Variants in BCL7A observed in about 807,000 individuals in gnomAD.
BCL7A encodes the protein B-cell CLL/lymphoma 7 protein family member A.
A neutral mutation model predicts 28.4 loss-of-function variants in BCL7A; 11 were observed. That is an observed-to-expected ratio of 0.39 (90% CI 0.24 to 0.64). The LOEUF is 0.64. Among genes scored for constraint, BCL7A ranks in the 30% least tolerant of loss-of-function variants. BCL7A has a pLI of 0.50. For missense variants in BCL7A, 222 were observed against 274.8 expected (o/e 0.81, Z 1.36); for synonymous variants, 123 against 103.3 (o/e 1.19, Z -1.15).
In BCL7A at chr12:122,043,956, C is replaced by G; in HGVS notation, c.342C>G (p.Ser114Arg). The G allele has an allele frequency of 1.2e-6, 2 of 1,613,964 alleles. No individual in the cohort carries two copies. Among genetic ancestry groups the G allele is most frequent in the Non-Finnish European group, 1.7e-6 (2 of 1,180,008 alleles). ...AACAGGAGAACAGCAGCAACTCCAG[C>G]CCCGCTCCAGAGCCCAACTCGGCTG... ...PIKQENSSNS[S>R]PAPEPNSAVP... The change falls in exon 4 of 6, where the codon AGC becomes AGG. Residue 114 changes from serine (S) to arginine (R), a missense_variant. By Grantham distance (110) the Ser-to-Arg change is moderately radical (BLOSUM62 -1). This residue lies in a region of BCL7A where 155 missense variants were observed against 145.7 expected (regional missense o/e 1.06). Transcript: ENST00000261822.
At position 122,030,780 on chromosome 12, in the gene BCL7A, A is replaced by T; in HGVS notation, c.173A>T (p.Asp58Val). Residue 58 changes from aspartate to valine, a missense_variant and splice_region_variant, in exon 2 of 6, where the codon GAC becomes GTC. Asp to Val is a radical substitution (Grantham distance 152). Around this residue, in one of 2 missense-constraint regions of BCL7A, gnomAD observed 67 missense variants for 129.1 expected, o/e 0.52. Transcript: ENST00000261822. ...WVPVTEPKVD[D>V]KNKNKKKGKD... is the part of the protein sequence containing the mutation. ...CCTGTGACGGAGCCCAAGGTTGATG[A>T]CGTGAGTATGGAGGGCTGGTCCCCT... 1 of 1,613,766 alleles carries T rather than the reference A, an allele frequency of 6.2e-7. No homozygotes were observed. Among genetic ancestry groups the T allele is most frequent in the Non-Finnish European group, 8.5e-7 (1 of 1,179,702 alleles).
intron 1 of BCL7A, among the ~76,000 whole-genome samples, chr12:122,023,238 A>G (rs2135834265): frequency 1.3e-5 from 2 of 152,180 alleles, no homozygotes; most frequent in Middle Eastern, 3.4e-3. Flanking sequence ...CCTGATTTCA[A>G]CTTTATTATT....
intron 4 of BCL7A, among the ~76,000 whole-genome samples, chr12:122,051,030 C>T (rs754958687): frequency 6.6e-6 from 1 of 152,194 alleles, no homozygotes; most frequent in Non-Finnish European, 1.5e-5. Flanking sequence ...TTCTTTCTGG[C>T]CGTGGCCTTG....
rs1210905972 is a variant in BCL7A, at chr12:122,059,742, A to C, written c.*579A>C. Reference sequence around the variant, plus strand: ...CATCGGAGCAGGCAGGGTGGAGCGAAGGAGCTCCTTAGCCCACCTGGTTTG... The same window carrying C: ...CATCGGAGCAGGCAGGGTGGAGCGACGGAGCTCCTTAGCCCACCTGGTTTG... On this transcript the variant is annotated 3_prime_UTR_variant, in exon 6 of 6. Coordinates refer to ENST00000261822, the MANE Select transcript of BCL7A (RefSeq NM_001024808.3). The surrounding 1 kb of genome is among the most constrained non-coding windows in gnomAD (Gnocchi z 4.0). 8.6e-6 allele frequency: 2 copies of C among 231,874 alleles called. No individual in the cohort carries two copies. The highest frequency in any genetic ancestry group is 1.7e-5 in the Non-Finnish European group (2 of 117,366). The allele number at this position is 231,874 out of a possible 1,614,324, so 14.4% of individuals were successfully genotyped here. A position where few individuals can be genotyped will look rare whatever the true frequency, so the allele number is the denominator to read the frequency against.
At chr12:122,057,837 C>T (rs548292037) in intron 5 of BCL7A, among the ~76,000 whole-genome samples, 2 of 152,282 alleles carry the variant, frequency 1.3e-5, no homozygotes, top group South Asian at 2.1e-4. Context: ...GTGCCCAGCC[C>T]TGCAGGAGCA....
At chr12:122,026,466 C>T (rs1424770022) in intron 1 of BCL7A, among the ~76,000 whole-genome samples, 1 of 152,110 alleles carries the variant, frequency 6.6e-6, no homozygotes, top group Non-Finnish European at 1.5e-5. Flanking sequence ...AAAAAGTAGG[C>T]TTAGGCCCAG....
Position 122,029,521 on chromosome 12 carries a change from A to C in BCL7A, c.93-1179A>C, listed in dbSNP as rs1019292001. On this transcript the variant is annotated intron_variant, in intron 1 of 5. Coordinates refer to ENST00000261822, the MANE Select transcript of BCL7A (RefSeq NM_001024808.3). The surrounding 1 kb of genome is among the most constrained non-coding windows in gnomAD (Gnocchi z 4.3). ...GGTGCTCGTGCCACACAGAATTCTC[A>C]GTTCTGGGAATTTTTGTCACCAAAA... 6.6e-6 allele frequency among the ~76,000 whole-genome samples: 1 copy of C among 152,140 alleles called. No homozygotes were observed. Among genetic ancestry groups the C allele is most frequent in the African/African-American group, 2.4e-5 (1 of 41,424 alleles).
At chr12:122,022,782 G>C (rs538828703) in intron 1 of BCL7A, among the ~76,000 whole-genome samples, 2 of 151,592 alleles carry the variant, frequency 1.3e-5, no homozygotes, top group Admixed American at 6.6e-5. Flanking sequence ...TTTAAATTTA[G>C]CGCTTTGGGC....
intron 4 of BCL7A, among the ~76,000 whole-genome samples, chr12:122,044,539 T>C (rs1884032313): frequency 1.3e-5 from 2 of 151,336 alleles, no homozygotes; most frequent in African/African-American, 2.4e-5. Context: ...AATCAAACAA[T>C]TGGCCAGGCA....
chr12:122,049,067 CACAA>C (rs1565941564), intron 4 of BCL7A, among the ~76,000 whole-genome samples: 10 of 111,226 alleles, frequency 9.0e-5, no homozygotes, highest in Admixed American at 3.5e-4. Flanking sequence ...TATACACACA[CACAA>C]AAAAAAATAC....
Position 122,022,066 on chromosome 12 carries a change from C to A in BCL7A, c.-26C>A. 6.5e-7 allele frequency: 1 copy of A among 1,536,800 alleles called. No individual in the cohort carries two copies. The highest frequency in any genetic ancestry group is 8.8e-7 in the Non-Finnish European group (1 of 1,139,070). On this transcript the variant is annotated 5_prime_UTR_variant, in exon 1 of 6. Transcript: ENST00000261822. ...GAGCAGGACCCGGCGGGCGCGCTCCCCAGCCTCCGTCTCCCCGCCGGAACC... is the reference window on the plus strand; with the variant it reads ...GAGCAGGACCCGGCGGGCGCGCTCCACAGCCTCCGTCTCCCCGCCGGAACC...
chr12:122,025,193 T>C (rs559547852), intron 1 of BCL7A, among the ~76,000 whole-genome samples: 4 of 152,218 alleles, frequency 2.6e-5, no homozygotes, highest in Middle Eastern at 3.4e-3. Context: ...AGACGAAAGC[T>C]TGGGCTGCAG....
chr12:122,054,929 A>G lies in BCL7A; in HGVS notation c.561+3A>G. ...CAGAGACGTCTGCAATCTCTCAGGT[A>G]CCTCGCTCGAGGTCTCAGAGGGGCA... On this transcript the variant is annotated splice_donor_region_variant and intron_variant, in intron 5 of 5. Transcript: ENST00000261822. 2 of 1,613,978 alleles carry G rather than the reference A, an allele frequency of 1.2e-6. No individual in the cohort carries two copies. Among genetic ancestry groups the G allele is most frequent in the Non-Finnish European group, 1.7e-6 (2 of 1,180,000 alleles).
At position 122,059,813 on chromosome 12, in the gene BCL7A, G is replaced by A. The variant is rs1951905846; in HGVS notation, c.*650G>A. On this transcript the variant is annotated 3_prime_UTR_variant, in exon 6 of 6. Transcript: ENST00000261822. This position sits in a 1 kb window ranked among gnomAD's most constrained non-coding sequence, Gnocchi z 4.0. ...GCACGCCCCAAGCACCAGGCACCAG[G>A]GCCCAAGGACGCGCAGGTGTTGGGG... The A allele has an allele frequency of 4.3e-6, 1 of 231,966 alleles. No homozygotes were observed. 14.4% of individuals were successfully genotyped at this position (231,966 alleles called of 1,614,324 possible).
chr12:122,030,666 T>C, intron 1 of BCL7A, 34 bp from the exon 2 acceptor site: 1 of 1,583,020 alleles, frequency 6.3e-7, no homozygotes, highest in Non-Finnish European at 8.7e-7. Context: ...GGATGAAGAG[T>C]CCCCGGTAAC....
chr12:122,032,418 T>C (rs7961103), intron 2 of BCL7A, among the ~76,000 whole-genome samples: 134,238 of 152,288 alleles, frequency 0.88, 59,340 homozygotes, highest in African/African-American at 0.95. Flanking sequence ...GTAGAAATGC[T>C]GGTTGCATTT....
intron 1 of BCL7A, among the ~76,000 whole-genome samples, chr12:122,024,786 C>G (rs150676257): frequency 1.3e-5 from 2 of 152,220 alleles, no homozygotes; most frequent in Non-Finnish European, 2.9e-5. Flanking sequence ...CACACTTATA[C>G]TAAAACATTA....
chr12:122,023,849 T>A (rs1883541018), intron 1 of BCL7A, among the ~76,000 whole-genome samples: 2 of 152,190 alleles, frequency 1.3e-5, no homozygotes, highest in African/African-American at 2.4e-5. Context: ...CCTCAGCCCC[T>A]GTGCAAAGAA....
At chr12:122,046,750 T>G (rs1052972936) in intron 4 of BCL7A, among the ~76,000 whole-genome samples, 1 of 152,204 alleles carries the variant, frequency 6.6e-6, no homozygotes, top group Non-Finnish European at 1.5e-5. Context: ...ATACCGGGCC[T>G]GCTCTTCCCT....
Sources: allele counts gnomAD v4.1 joint callset (sites outside exome capture counted in the v4.1 genomes callset), GRCh38; gene constraint gnomAD v4.1.1; regional missense constraint gnomAD v4.1.1; non-coding constraint Gnocchi (gnomAD v3.1); transcripts MANE v1.5; gene names NCBI Gene and HGNC (gene_info 2026-07-23, HGNC 2026-07-21).